Variants in IGF1R observed in about 807,000 individuals in gnomAD.
IGF1R encodes the protein insulin-like growth factor 1 receptor.
In IGF1R, 44 loss-of-function variants were observed where a neutral mutation model predicts 144.6. The observed-to-expected ratio is 0.30, with a 90% CI of 0.24 to 0.39. The LOEUF (loss-of-function observed/expected upper bound fraction) is 0.39. Ranked by LOEUF, IGF1R falls within the 10% of genes least tolerant of loss-of-function variation. IGF1R has a pLI of 1.00. For missense variants in IGF1R, 1,355 were observed against 1,833.7 expected, an observed-to-expected ratio of 0.74 and a Z score of 4.77; for synonymous variants, 795 against 722.8, an observed-to-expected ratio of 1.10 and a Z score of -1.60.
chr15:98,678,488 C>G (rs1322427168), intron 1 of IGF1R, among the ~76,000 whole-genome samples: 1 of 112,720 alleles, frequency 8.9e-6, no homozygotes, highest in African/African-American at 3.0e-5. Context: ...TGCCTGGAGG[C>G]TGACACTTAA....
chr15:98,736,240 A>T (rs1166128051), intron 2 of IGF1R, among the ~76,000 whole-genome samples: 3 of 152,194 alleles, frequency 2.0e-5, no homozygotes, highest in Non-Finnish European at 4.4e-5. Flanking sequence ...AACTAATTAC[A>T]TTTGCTCTGA....
rs544373421 is a variant in IGF1R, at chr15:98,956,866, C to G, written c.3723-195C>G. ...TCTGGGGGAAGAGAATGGAACCGTA[C>G]GAGGTAAAACAGGAGACTCTGAAGG... On this transcript the variant is annotated intron_variant, in intron 20 of 20. Coordinates refer to ENST00000650285, the MANE Select transcript of IGF1R (RefSeq NM_000875.5). 3.3e-5 allele frequency among the ~76,000 whole-genome samples: 5 copies of G among 152,208 alleles called. No individual in the cohort carries two copies. In the South Asian group the frequency reaches 1.0e-3, roughly 32 times the overall value.
At chr15:98,693,937 C>T (rs958228054) in intron 1 of IGF1R, among the ~76,000 whole-genome samples, 1 of 152,176 alleles carries the variant, frequency 6.6e-6, no homozygotes, top group African/African-American at 2.4e-5. Flanking sequence ...TGCCCACTGT[C>T]AAGGGTAGAC....
At chr15:98,775,232 C>G (rs915459694) in intron 2 of IGF1R, among the ~76,000 whole-genome samples, 11 of 152,156 alleles carry the variant, frequency 7.2e-5, no homozygotes, top group South Asian at 2.1e-4. Flanking sequence ...TCGTTCCCCC[C>G]ACCTCCACAT....
At chr15:98,832,023 T>C (rs1303023843) in intron 2 of IGF1R, among the ~76,000 whole-genome samples, 2 of 152,144 alleles carry the variant, frequency 1.3e-5, no homozygotes, top group African/African-American at 2.4e-5. Flanking sequence ...TGCTTCAGCA[T>C]GTCAAGAGTG....
At chr15:98,890,865 A>G (rs2013873299) in intron 2 of IGF1R, 3 of 241,704 alleles carry the variant, frequency 1.2e-5, no homozygotes, top group Non-Finnish European at 2.5e-5. Context: ...ATTTCTGCAC[A>G]CTAAGGCTTT....
chr15:98,935,257 A>G lies in IGF1R; in HGVS notation c.3187-59A>G. 9.1e-7 allele frequency: 1 copy of G among 1,102,320 alleles called. No individual in the cohort carries two copies. The highest frequency in any genetic ancestry group is 1.3e-6 in the Non-Finnish European group (1 of 779,726). The allele number at this position is 1,102,320 out of a possible 1,614,324, so 68.3% of individuals were successfully genotyped here. On this transcript the variant is annotated intron_variant, in intron 16 of 20. Transcript: ENST00000650285. The surrounding 1 kb of genome is among the most constrained non-coding windows in gnomAD (Gnocchi z 4.2). ...CACCACAGAGACAGTTCCAGACAAC[A>G]CAGGCATCAGCAAGGGCCACCTGAC...
chr15:98,884,702 AAAG>A (rs1326246518), intron 2 of IGF1R, among the ~76,000 whole-genome samples: 324 of 151,514 alleles, frequency 2.1e-3, no homozygotes, highest in African/African-American at 7.3e-3. Context: ...AAAAAAAAAA[AAAG>A]AAATTCTGTA....
intron 1 of IGF1R, among the ~76,000 whole-genome samples, chr15:98,700,412 C>A (rs2053699459): frequency 6.6e-6 from 1 of 152,140 alleles, no homozygotes; most frequent in Non-Finnish European, 1.5e-5. Context: ...AGGGTAGTGA[C>A]AGGTGGTGTG....
chr15:98,655,670 C>G (rs2141168216), intron 1 of IGF1R, among the ~76,000 whole-genome samples: 1 of 151,612 alleles, frequency 6.6e-6, no homozygotes, highest in Non-Finnish European at 1.5e-5. Flanking sequence ...ACGAAACAAA[C>G]TAGTAAGCAA....
intron 1 of IGF1R, among the ~76,000 whole-genome samples, chr15:98,672,401 C>T (rs558119969): frequency 5.9e-5 from 9 of 151,988 alleles, no homozygotes; most frequent in South Asian, 2.1e-4. Flanking sequence ...CCCGTCTCTA[C>T]GAAAAATACA....
intron 4 of IGF1R, among the ~76,000 whole-genome samples, chr15:98,898,066 T>G (rs1168825448): frequency 1.3e-5 from 2 of 152,232 alleles, no homozygotes; most frequent in East Asian, 1.9e-4. Context: ...TCTGAATTAG[T>G]TGATATCCCT....
At chr15:98,864,047 C>G (rs577376085) in intron 2 of IGF1R, among the ~76,000 whole-genome samples, 3 of 152,006 alleles carry the variant, frequency 2.0e-5, no homozygotes, top group Non-Finnish European at 4.4e-5. Flanking sequence ...TTGCTTGAGC[C>G]AGGAGTTTGG....
At chr15:98,726,341 C>T (rs1220260032) in intron 2 of IGF1R, among the ~76,000 whole-genome samples, 1 of 152,190 alleles carries the variant, frequency 6.6e-6, no homozygotes, top group Non-Finnish European at 1.5e-5. Context: ...AACACACACC[C>T]AGGGATGACT....
At chr15:98,708,789 G>T (rs982436315) in intron 2 of IGF1R, among the ~76,000 whole-genome samples, 2 of 152,108 alleles carry the variant, frequency 1.3e-5, no homozygotes, top group Non-Finnish European at 2.9e-5. Context: ...CTGGGATTCT[G>T]TTTTCGTTCT....
intron 20 of IGF1R, among the ~76,000 whole-genome samples, chr15:98,954,815 G>A (rs1216922945): frequency 1.3e-5 from 2 of 152,160 alleles, no homozygotes; most frequent in African/African-American, 2.4e-5. Context: ...GAAGTGATGG[G>A]GAGTTTGGAA....
chr15:98,722,984 C>G (rs1188744415), intron 2 of IGF1R, among the ~76,000 whole-genome samples: 1 of 151,980 alleles, frequency 6.6e-6, no homozygotes, highest in Non-Finnish European at 1.5e-5. Flanking sequence ...TGAACAGAAA[C>G]TGGTTCAACA....
At position 98,957,172 on chromosome 15, in the gene IGF1R, C is replaced by T. The variant is rs751586839; in HGVS notation, c.3834C>T (p.Ser1278=). 1.4e-5 allele frequency: 22 copies of T among 1,614,102 alleles called. No individual in the cohort carries two copies. In the South Asian group the frequency reaches 2.0e-4, roughly 14 times the overall value. Residue 1278 remains serine, a synonymous_variant, in exon 21 of 21, where the codon TCC becomes TCT. Transcript: ENST00000650285. The part of the protein sequence containing the change: ...EEMEPGFREV[S]FYYSEENKLP... ...TGGAGCCTGGCTTCCGGGAGGTCTCCTTCTACTACAGCGAGGAGAACAAGC... is the reference window on the plus strand; with the variant it reads ...TGGAGCCTGGCTTCCGGGAGGTCTCTTTCTACTACAGCGAGGAGAACAAGC...
chr15:98,760,404 G>A (rs2055265988), intron 2 of IGF1R, among the ~76,000 whole-genome samples: 1 of 152,052 alleles, frequency 6.6e-6, no homozygotes, highest in Non-Finnish European at 1.5e-5. Context: ...CTATAGTGGT[G>A]GCATTCTGCC....
Sources: allele counts gnomAD v4.1 joint callset (sites outside exome capture counted in the v4.1 genomes callset), GRCh38; gene constraint gnomAD v4.1.1; non-coding constraint Gnocchi (gnomAD v3.1); transcripts MANE v1.5; gene names NCBI Gene and HGNC (gene_info 2026-07-23, HGNC 2026-07-21).